The following SLCO1C1 variants were observed in gnomAD, a reference collection of about 807,000 sequenced individuals.
The protein encoded by SLCO1C1 is solute carrier organic anion transporter family member 1C1, also known as OAT-RP-5.
SLCO1C1 carries 70 observed loss-of-function variants against 76.4 expected under a neutral mutation model. That is an observed-to-expected ratio of 0.92 (90% CI 0.76 to 1.12). SLCO1C1 has a LOEUF of 1.12. Among genes scored for constraint, SLCO1C1 ranks in the 50% most tolerant of loss-of-function variants. The pLI is 0.00. For missense variants in SLCO1C1, 912 were observed against 823.8 expected (o/e 1.11, Z -1.31); for synonymous variants, 306 against 286.1 (o/e 1.07, Z -0.70).
intron 6 of SLCO1C1, among the ~76,000 whole-genome samples, chr12:20,715,564 G>A (rs1465575742): frequency 6.6e-6 from 1 of 152,160 alleles, no homozygotes; most frequent in Non-Finnish European, 1.5e-5. Flanking sequence ...ATCTTCATGG[G>A]CTTCAGATTT....
chr12:20,711,856 C>T (rs897959330), intron 5 of SLCO1C1, among the ~76,000 whole-genome samples: 1 of 152,152 alleles, frequency 6.6e-6, no homozygotes. Context: ...ATAATTTTTC[C>T]CGTAAGTCAA....
chr12:20,748,795 T>C (rs1949163828), intron 13 of SLCO1C1, among the ~76,000 whole-genome samples: 1 of 152,142 alleles, frequency 6.6e-6, no homozygotes, highest in Admixed American at 6.5e-5. Flanking sequence ...GGTAAAATAT[T>C]GTTGGTGGCA....
intron 4 of SLCO1C1, among the ~76,000 whole-genome samples, chr12:20,709,132 C>T (rs1031661655): frequency 6.6e-6 from 1 of 152,100 alleles, no homozygotes; most frequent in African/African-American, 2.4e-5. Flanking sequence ...GTGCATCAGT[C>T]AGGATTTGAA....
chr12:20,719,281 CCT>C (rs1285458060), intron 7 of SLCO1C1, among the ~76,000 whole-genome samples: 1 of 152,012 alleles, frequency 6.6e-6, no homozygotes, highest in Non-Finnish European at 1.5e-5. Flanking sequence ...TGGCCATTCC[CCT>C]GTCTCTCTTT....
At chr12:20,716,793 A>G (rs1044489126) in intron 6 of SLCO1C1, among the ~76,000 whole-genome samples, 6 of 152,226 alleles carry the variant, frequency 3.9e-5, no homozygotes, top group Non-Finnish European at 7.3e-5. Flanking sequence ...TTTTTGACAA[A>G]CTATCAAAAT....
At position 20,716,497 on chromosome 12, in the gene SLCO1C1, T is replaced by G. The variant is rs550120015; in HGVS notation, c.677-635T>G. Among the ~76,000 whole-genome samples, 10 of 152,338 alleles carry G rather than the reference T, an allele frequency of 6.6e-5. 1 individual carries two copies. In the South Asian group the frequency reaches 2.1e-3, roughly 32 times the overall value. ...GAAATGAAAAACAGATTGGAGATATTTGGAAGGGAAGAACTACCTTTCTGG... is the reference window on the plus strand; with the variant it reads ...GAAATGAAAAACAGATTGGAGATATGTGGAAGGGAAGAACTACCTTTCTGG... On this transcript the variant is annotated intron_variant, in intron 6 of 14. Coordinates refer to ENST00000266509, the MANE Select transcript of SLCO1C1 (RefSeq NM_017435.5).
chr12:20,728,700 T>A (rs1446164421), intron 9 of SLCO1C1, among the ~76,000 whole-genome samples: 3 of 152,056 alleles, frequency 2.0e-5, no homozygotes, highest in Non-Finnish European at 4.4e-5. Context: ...AACTCATAAC[T>A]ATTTCAACCC....
At chr12:20,711,130 G>A (rs918034064) in intron 4 of SLCO1C1, among the ~76,000 whole-genome samples, 22 of 152,156 alleles carry the variant, frequency 1.4e-4, no homozygotes, top group Non-Finnish European at 2.6e-4. Context: ...GTGTTGGGCT[G>A]CATTCAAGGC....
At chr12:20,744,212 A>T (rs1799658432) in intron 13 of SLCO1C1, among the ~76,000 whole-genome samples, 1 of 152,078 alleles carries the variant, frequency 6.6e-6, no homozygotes, top group Non-Finnish European at 1.5e-5. Context: ...TTAGCTAGAA[A>T]AGTGTCATAT....
At chr12:20,703,128 C>T (rs1197889745) in intron 3 of SLCO1C1, among the ~76,000 whole-genome samples, 1 of 151,920 alleles carries the variant, frequency 6.6e-6, no homozygotes, top group African/African-American at 2.4e-5. Context: ...TTATCCCAAA[C>T]ATCACAGGTT....
At chr12:20,711,033 C>T (rs565271527) in intron 4 of SLCO1C1, among the ~76,000 whole-genome samples, 1 of 152,112 alleles carries the variant, frequency 6.6e-6, no homozygotes, top group Non-Finnish European at 1.5e-5. Context: ...TGTCTTGGGC[C>T]ACACATAAAA....
At chr12:20,700,898 C>G (rs1033514256) in intron 2 of SLCO1C1, among the ~76,000 whole-genome samples, 1 of 151,940 alleles carries the variant, frequency 6.6e-6, no homozygotes, top group South Asian at 2.1e-4. Flanking sequence ...CATGCACCAC[C>G]CTGTGAAATA....
chr12:20,729,859 C>T (rs962463524), intron 9 of SLCO1C1, among the ~76,000 whole-genome samples: 1 of 151,988 alleles, frequency 6.6e-6, no homozygotes, highest in Non-Finnish European at 1.5e-5. Flanking sequence ...CAAGATAATA[C>T]ATGAAATGTT....
chr12:20,752,831 T>A lies in SLCO1C1; in HGVS notation c.*303T>A, dbSNP rs1289130617. On this transcript the variant is annotated 3_prime_UTR_variant, in exon 15 of 15. Coordinates refer to ENST00000266509, the MANE Select transcript of SLCO1C1 (RefSeq NM_017435.5). ...ATTAGCTGTACTCCTAGAAGAACAATTGTCTCTATTGTCACACATGGTTAT... is the reference window on the plus strand; with the variant it reads ...ATTAGCTGTACTCCTAGAAGAACAAATGTCTCTATTGTCACACATGGTTAT... 2.2e-5 allele frequency: 4 copies of A among 181,606 alleles called. No homozygotes were observed. The highest frequency in any genetic ancestry group is 4.6e-5 in the Non-Finnish European group (4 of 87,676). The allele number at this position is 181,606 out of a possible 1,614,324, so 11.2% of individuals were successfully genotyped here.
intron 12 of SLCO1C1, among the ~76,000 whole-genome samples, chr12:20,742,798 G>A (rs1455040655): frequency 6.6e-6 from 1 of 151,682 alleles, no homozygotes; most frequent in African/African-American, 2.4e-5. Flanking sequence ...GCCTCCCAAG[G>A]TGCTGGGATT....
intron 13 of SLCO1C1, 89 bp from the exon 14 acceptor site, chr12:20,750,586 T>A: frequency 8.5e-7 from 1 of 1,181,340 alleles, no homozygotes; most frequent in South Asian, 1.3e-5. Flanking sequence ...AAAACAGTAA[T>A]TAGATTAAAG....
rs1337185012 is a variant in SLCO1C1, at chr12:20,752,612, G to A, written c.*84G>A. 8.5e-7 allele frequency: 1 copy of A among 1,174,780 alleles called. No homozygotes were observed. Among genetic ancestry groups the A allele is most frequent in the Non-Finnish European group, 1.2e-6 (1 of 855,446 alleles). The allele number at this position is 1,174,780 out of a possible 1,614,324, so 72.8% of individuals were successfully genotyped here. A position where few individuals can be genotyped will look rare whatever the true frequency, so the allele number is the denominator to read the frequency against. On this transcript the variant is annotated 3_prime_UTR_variant, in exon 15 of 15. Transcript: ENST00000266509. ...TTGTAATCAAAAGAGCTCTAAATTT[G>A]TAATTTCTTTCTCCTTTCAAAAAAT...
intron 13 of SLCO1C1, among the ~76,000 whole-genome samples, chr12:20,744,721 G>C (rs1948963057): frequency 6.6e-6 from 1 of 152,020 alleles, no homozygotes; most frequent in African/African-American, 2.4e-5. Context: ...GCAATAACTG[G>C]TAAAATTATA....
rs527722649 is a variant in SLCO1C1 at position 20,733,422 on chromosome 12, G to T, written c.1382+318G>T. Among the ~76,000 whole-genome samples, 6 of 152,242 alleles carry T rather than the reference G, an allele frequency of 3.9e-5. No individual in the cohort carries two copies. In the South Asian group the frequency reaches 1.0e-3, roughly 26 times the overall value. On this transcript the variant is annotated intron_variant, in intron 10 of 14. Transcript: ENST00000266509. ...TGCCTCTGTCTATTCTTAATGAAAT[G>T]ATGTACATGTGGTTTAAACTAATCC...
Sources: allele counts gnomAD v4.1 joint callset (sites outside exome capture counted in the v4.1 genomes callset), GRCh38; gene constraint gnomAD v4.1.1; transcripts MANE v1.5; gene names NCBI Gene and HGNC (gene_info 2026-07-23, HGNC 2026-07-21).